GALNTL6: variants seen among roughly 807,000 people sequenced by gnomAD.
GALNTL6 encodes polypeptide N-acetylgalactosaminyltransferase like 6.
A neutral mutation model predicts 73.7 loss-of-function variants in GALNTL6; 46 were observed. The observed-to-expected ratio is 0.62, with a 90% CI of 0.49 to 0.80. The LOEUF (loss-of-function observed/expected upper bound fraction) is 0.80, where lower values mean the gene tolerates loss of function less well. Among genes scored for constraint, GALNTL6 ranks in the 30% least tolerant of loss-of-function variants. The pLI is 0.00. For missense variants in GALNTL6, 604 were observed against 755.0 expected, an observed-to-expected ratio of 0.80 and a Z score of 2.34; for synonymous variants, 259 against 263.7, an observed-to-expected ratio of 0.98 and a Z score of 0.17.
chr4:172,976,744 C>G (rs772827994), intron 10 of GALNTL6, among the ~76,000 whole-genome samples: 3 of 152,204 alleles, frequency 2.0e-5, no homozygotes, highest in Non-Finnish European at 4.4e-5. Flanking sequence ...GTTTGAGAGA[C>G]AGCAGCCTAA....
At chr4:173,010,885 A>G (rs192935043) in intron 11 of GALNTL6, among the ~76,000 whole-genome samples, 100 of 152,074 alleles carry the variant, frequency 6.6e-4, no homozygotes, top group Non-Finnish European at 1.2e-3. Context: ...GATTACAGGC[A>G]TAAGCCACCA....
intron 5 of GALNTL6, among the ~76,000 whole-genome samples, chr4:172,568,652 G>A (rs1736650567): frequency 6.6e-6 from 1 of 150,566 alleles, no homozygotes; most frequent in Admixed American, 6.6e-5. Flanking sequence ...CAGCTACTCG[G>A]GAGGCTGAGG....
chr4:172,769,545 G>T (rs1738636921), intron 5 of GALNTL6, among the ~76,000 whole-genome samples: 2 of 152,198 alleles, frequency 1.3e-5, no homozygotes, highest in Admixed American at 1.3e-4. Flanking sequence ...GTGACATTTT[G>T]AGTTTGCAGA....
chr4:172,261,377 T>C (rs1356635080), intron 3 of GALNTL6, among the ~76,000 whole-genome samples: 1 of 151,640 alleles, frequency 6.6e-6, no homozygotes, highest in Non-Finnish European at 1.5e-5. Flanking sequence ...CTCTAGATTT[T>C]CTAGTTTGTG....
At chr4:172,343,701 G>A (rs1411632969) in intron 4 of GALNTL6, among the ~76,000 whole-genome samples, 2 of 151,928 alleles carry the variant, frequency 1.3e-5, no homozygotes, top group African/African-American at 4.8e-5. Context: ...TTCTGTTTTG[G>A]AAAAACAGAA....
intron 5 of GALNTL6, among the ~76,000 whole-genome samples, chr4:172,634,341 A>G (rs913312227): frequency 2.4e-4 from 37 of 152,324 alleles, no homozygotes; most frequent in African/African-American, 8.7e-4. Context: ...GTAGCCAATA[A>G]CTTAAAAACT....
At chr4:171,927,383 T>C (rs1420663282) in intron 2 of GALNTL6, among the ~76,000 whole-genome samples, 2 of 152,136 alleles carry the variant, frequency 1.3e-5, no homozygotes, top group Non-Finnish European at 2.9e-5. Flanking sequence ...AATTTAAAAT[T>C]TCCCTCCCTT....
intron 2 of GALNTL6, among the ~76,000 whole-genome samples, chr4:171,903,628 G>A (rs1737179589): frequency 7.1e-6 from 1 of 140,980 alleles, no homozygotes; most frequent in Non-Finnish European, 1.5e-5. Flanking sequence ...AGCTCAAACT[G>A]GGTGGAGCCC....
intron 5 of GALNTL6, among the ~76,000 whole-genome samples, chr4:172,756,951 T>G (rs1227183811): frequency 6.6e-6 from 1 of 152,236 alleles, no homozygotes; most frequent in Non-Finnish European, 1.5e-5. Context: ...TACATTGATC[T>G]TTTTTAAGAT....
intron 2 of GALNTL6, among the ~76,000 whole-genome samples, chr4:172,212,320 C>G (rs1036309512): frequency 1.3e-5 from 2 of 152,032 alleles, no homozygotes; most frequent in African/African-American, 2.4e-5. Flanking sequence ...TGCCACCACG[C>G]CTGGCTAATT....
chr4:172,109,699 T>G (rs1200588765), intron 2 of GALNTL6, among the ~76,000 whole-genome samples: 1 of 152,166 alleles, frequency 6.6e-6, no homozygotes, highest in Non-Finnish European at 1.5e-5. Context: ...GCTGTAAAAC[T>G]GATATTAACC....
intron 5 of GALNTL6, among the ~76,000 whole-genome samples, chr4:172,665,833 T>C (rs946482511): frequency 5.9e-5 from 9 of 152,192 alleles, no homozygotes; most frequent in African/African-American, 2.2e-4. Flanking sequence ...TTGTTATTTT[T>C]TTACAAACAT....
At chr4:171,864,152 T>C (rs1254013425) in intron 2 of GALNTL6, among the ~76,000 whole-genome samples, 1 of 152,228 alleles carries the variant, frequency 6.6e-6, no homozygotes, top group Non-Finnish European at 1.5e-5. Flanking sequence ...TAAAATTTTG[T>C]AAGTACTTTA....
chr4:172,445,739 C>T (rs1731995040), intron 5 of GALNTL6, among the ~76,000 whole-genome samples: 1 of 151,898 alleles, frequency 6.6e-6, no homozygotes, highest in African/African-American at 2.4e-5. Context: ...TTATTCTTTC[C>T]CTAGTGAATT....
Position 172,989,495 on chromosome 4 carries a change from C to T in GALNTL6, c.1372-19683C>T, listed in dbSNP as rs531138428. Among the ~76,000 whole-genome samples the T allele has an allele frequency of 2.6e-5, 4 of 152,178 alleles. No homozygotes were observed. The South Asian group carries it at 8.3e-4, about 32-fold the overall frequency. On this transcript the variant is annotated intron_variant, in intron 10 of 12. Transcript: ENST00000506823. ...AGAATGATATGGTTTGGATTTGTGT[C>T]CCCACCCAAATCTCATGTCAAATTG...
intron 5 of GALNTL6, among the ~76,000 whole-genome samples, chr4:172,784,216 AT>A (rs1163238633): frequency 6.6e-6 from 1 of 151,920 alleles, no homozygotes; most frequent in African/African-American, 2.4e-5. Flanking sequence ...AGCAGTCTAG[AT>A]TTTTTTTAAA....
In GALNTL6 at chr4:172,509,356, T is replaced by C. The variant is rs1734420568; in HGVS notation, c.553+160667T>C. On this transcript the variant is annotated intron_variant, in intron 5 of 12. Transcript: ENST00000506823. The stretch of plus-strand genomic sequence containing the variant: ...ACTGTAGATTCTGGCTATTAGTACT[T>C]TGCTGAATGCATAGTTTTAGAAGAC... Among the ~76,000 whole-genome samples, 2 of 54,970 alleles carry C rather than the reference T, an allele frequency of 3.6e-5. 1 individual carries two copies. Among genetic ancestry groups the C allele is most frequent in the Admixed American group, 5.2e-4 (2 of 3,838 alleles). The allele number at this position is 54,970 out of a possible 152,430, so 36.1% of individuals were successfully genotyped here.
At chr4:171,841,173 T>G (rs1388634427) in intron 2 of GALNTL6, among the ~76,000 whole-genome samples, 4 of 152,176 alleles carry the variant, frequency 2.6e-5, no homozygotes, top group African/African-American at 9.6e-5. Context: ...CTTCAAATAC[T>G]TATTTCAATA....
In GALNTL6 at chr4:172,027,912, G is replaced by C. The variant is rs1741638980; in HGVS notation, c.139-201744G>C. ...GAGGAAGCTGCAGGACAAAAGTATG[G>C]AGGTAGCAGAGATTGGTTCATTAAA... On this transcript the variant is annotated intron_variant, in intron 2 of 12. Transcript: ENST00000506823. Among the ~76,000 whole-genome samples the C allele has an allele frequency of 2.0e-5, 3 of 152,214 alleles. No individual in the cohort carries two copies. In the East Asian group the frequency reaches 5.8e-4, roughly 29 times the overall value.
Sources: gnomAD v4.1 joint callset for allele counts (sites outside exome capture counted in the v4.1 genomes callset) on GRCh38, gnomAD v4.1.1 for gene constraint, MANE v1.5 for transcripts, NCBI Gene and HGNC (gene_info 2026-07-23, HGNC 2026-07-21) for gene names.